Variants in BTBD8 observed in about 807,000 individuals in gnomAD.
BTBD8 encodes the protein BTB domain containing 8.
BTBD8 carries 110 observed loss-of-function variants against 162.9 expected under a neutral mutation model. The ratio of observed to expected loss-of-function variants is 0.68; its 90% CI spans 0.58 to 0.79. The LOEUF is 0.79. Among genes scored for constraint, BTBD8 ranks in the 30% least tolerant of loss-of-function variants. BTBD8 has a pLI of 0.00. For synonymous variants in BTBD8, 667 were observed against 716.1 expected, an observed-to-expected ratio of 0.93 and a Z score of 1.10; for missense variants, 1,905 against 2,085.4, an observed-to-expected ratio of 0.91 and a Z score of 1.68.
rs1474701489 is a variant in BTBD8 at position 92,113,170 on chromosome 1, T to C, written c.662+5169T>C. On this transcript the variant is annotated intron_variant, in intron 4 of 17. Transcript: ENST00000636805. ...CAAAGATTTTTAATACACCATACCA[T>C]CTACAGCATTATTTTTAAACCTGAG... Among the ~76,000 whole-genome samples the C allele has an allele frequency of 2.6e-5, 4 of 152,360 alleles. 1 individual carries two copies. Among genetic ancestry groups the C allele is most frequent in the East Asian group, 3.9e-4 (2 of 5,192 alleles).
At position 92,171,445 on chromosome 1, in the gene BTBD8, A is replaced by G. The variant is rs1285135160; in HGVS notation, c.1620A>G (p.Ile540Met). The change falls in exon 13 of 18, where the codon ATA (isoleucine) becomes ATG (methionine). Residue 540 changes from isoleucine (I) to methionine (M), a missense_variant. Transcript: ENST00000636805. ...GDDRRLGKKP[I>M]FSSSQQRKQV... ...ATCGAAGACTTGGCAAAAAGCCTAT[A>G]TTCAGTAGCTCGCAGGTAAACTTTC... 1.3e-6 allele frequency: 2 copies of G among 1,528,310 alleles called. No homozygotes were observed. The highest frequency in any genetic ancestry group is 1.8e-6 in the Non-Finnish European group (2 of 1,134,594). 94.7% of individuals were successfully genotyped at this position (1,528,310 alleles called of 1,614,324 possible).
chr1:92,177,903 G>T lies in BTBD8; in HGVS notation c.2441+5G>T, dbSNP rs763571620. On this transcript the variant is annotated splice_donor_5th_base_variant and intron_variant, in intron 15 of 17. Transcript: ENST00000636805. ...AGACACTAATGTAAATAACAGGTAG[G>T]TCTTCATTCAGTGTTTTAACCTATC... 3 of 1,434,132 alleles carry T rather than the reference G, an allele frequency of 2.1e-6. No individual in the cohort carries two copies. In the South Asian group the frequency reaches 3.7e-5, roughly 18 times the overall value. The allele number at this position is 1,434,132 out of a possible 1,614,324, so 88.8% of individuals were successfully genotyped here.
chr1:92,169,547 AG>A (rs1407553651), intron 12 of BTBD8, among the ~76,000 whole-genome samples: 3 of 152,180 alleles, frequency 2.0e-5, no homozygotes, highest in Non-Finnish European at 4.4e-5. Flanking sequence ...ATTAAACAAA[AG>A]ATGTATATTG....
At chr1:92,137,522 G>A (rs1557452846) in intron 5 of BTBD8, among the ~76,000 whole-genome samples, 1 of 152,180 alleles carries the variant, frequency 6.6e-6, no homozygotes, top group Non-Finnish European at 1.5e-5. Flanking sequence ...TTCTGACTTA[G>A]GCATATAGAT....
At chr1:92,132,306 G>A (rs973614082) in intron 5 of BTBD8, among the ~76,000 whole-genome samples, 11 of 151,858 alleles carry the variant, frequency 7.2e-5, no homozygotes, top group Non-Finnish European at 1.5e-4. Flanking sequence ...ATAAAGGCAA[G>A]GGGGTGTCCT....
At chr1:92,081,978 T>C (rs1457341191) in intron 1 of BTBD8, among the ~76,000 whole-genome samples, 1 of 152,168 alleles carries the variant, frequency 6.6e-6, no homozygotes, top group Non-Finnish European at 1.5e-5. Flanking sequence ...TCCCTTTAAT[T>C]TGGGACTATC....
intron 2 of BTBD8, among the ~76,000 whole-genome samples, chr1:92,096,429 A>G (rs527920912): frequency 6.6e-6 from 1 of 152,146 alleles, no homozygotes; most frequent in Non-Finnish European, 1.5e-5. Flanking sequence ...CTTACATTCA[A>G]CTGTGACCTC....
At chr1:92,091,660 T>C (rs1005785151) in intron 2 of BTBD8, among the ~76,000 whole-genome samples, 14 of 152,080 alleles carry the variant, frequency 9.2e-5, no homozygotes, top group African/African-American at 2.7e-4. Context: ...CCTCCTAGGC[T>C]GGTCTCTTAA....
intron 12 of BTBD8, among the ~76,000 whole-genome samples, chr1:92,171,172 T>C (rs1317041846): frequency 6.6e-6 from 1 of 152,058 alleles, no homozygotes; most frequent in African/African-American, 2.4e-5. Flanking sequence ...TTTATTAATT[T>C]TAATAACATA....
At chr1:92,128,140 G>C (rs1313276036) in intron 4 of BTBD8, among the ~76,000 whole-genome samples, 10 of 151,640 alleles carry the variant, frequency 6.6e-5, no homozygotes, top group Admixed American at 3.3e-4. Context: ...TTTTGAGGCG[G>C]AGTTTCGCTC....
At chr1:92,178,233 C>A in intron 15 of BTBD8, 79 bp from the exon 16 acceptor site, 1 of 1,066,854 alleles carries the variant, frequency 9.4e-7, no homozygotes, top group Non-Finnish European at 1.3e-6. Flanking sequence ...TTGAAAAAAA[C>A]TGTTTCAGGT....
intron 17 of BTBD8, 58 bp downstream of exon 17, chr1:92,182,653 A>C (rs1650950739): frequency 9.5e-7 from 1 of 1,047,840 alleles, no homozygotes; most frequent in African/African-American, 1.7e-5. Context: ...TAAAATTTTA[A>C]AGTTGTATGA....
At chr1:92,120,734 T>C (rs1196121900) in intron 4 of BTBD8, among the ~76,000 whole-genome samples, 1 of 152,208 alleles carries the variant, frequency 6.6e-6, no homozygotes, top group Non-Finnish European at 1.5e-5. Flanking sequence ...GAGTGGTCTC[T>C]TGACCCAAAC....
intron 5 of BTBD8, among the ~76,000 whole-genome samples, chr1:92,135,874 C>T (rs942945700): frequency 6.6e-6 from 1 of 151,962 alleles, no homozygotes; most frequent in Non-Finnish European, 1.5e-5. Flanking sequence ...CATAAATAGC[C>T]AATTCTTATT....
At chr1:92,133,127 C>G (rs1649550606) in intron 5 of BTBD8, among the ~76,000 whole-genome samples, 1 of 152,084 alleles carries the variant, frequency 6.6e-6, no homozygotes, top group Non-Finnish European at 1.5e-5. Flanking sequence ...AAAACAAATT[C>G]CAGTTTCCCA....
At chr1:92,133,553 G>C (rs1649561509) in intron 5 of BTBD8, among the ~76,000 whole-genome samples, 1 of 152,218 alleles carries the variant, frequency 6.6e-6, no homozygotes, top group Admixed American at 6.5e-5. Context: ...AATCCTGTCT[G>C]TCCTTACAGA....
chr1:92,150,135 G>A (rs188449265), intron 9 of BTBD8, among the ~76,000 whole-genome samples: 1 of 152,264 alleles, frequency 6.6e-6, no homozygotes, highest in East Asian at 1.9e-4. Flanking sequence ...AATCTAATTT[G>A]ACGTTAAGCA....
intron 13 of BTBD8, among the ~76,000 whole-genome samples, chr1:92,172,703 C>A (rs1241496506): frequency 6.6e-6 from 1 of 152,054 alleles, no homozygotes; most frequent in Non-Finnish European, 1.5e-5. Flanking sequence ...ATCCTTTTTT[C>A]TTCCTCATCA....
intron 4 of BTBD8, among the ~76,000 whole-genome samples, chr1:92,124,255 T>A (rs1024930677): frequency 6.6e-6 from 1 of 152,254 alleles, no homozygotes; most frequent in Admixed American, 6.5e-5. Context: ...GAAAGCATGC[T>A]TTCCTTTTTT....
Sources: allele counts gnomAD v4.1 joint callset (sites outside exome capture counted in the v4.1 genomes callset), GRCh38; gene constraint gnomAD v4.1.1; transcripts MANE v1.5; gene names NCBI Gene and HGNC (gene_info 2026-07-23, HGNC 2026-07-21).